Variants in RAPGEF4 observed in about 807,000 individuals in gnomAD.
RAPGEF4 encodes RAP guanine-nucleotide-exchange factor (GEF) 4.
RAPGEF4 carries 66 observed loss-of-function variants against 147.9 expected under a neutral mutation model. The observed-to-expected ratio is 0.45, with a 90% CI of 0.37 to 0.55. RAPGEF4 has a LOEUF of 0.55. RAPGEF4 is among the 20% of genes least tolerant of loss of function. The pLI is 0.00. For missense variants in RAPGEF4, 1,071 were observed against 1,257.3 expected, an observed-to-expected ratio of 0.85 and a Z score of 2.24; for synonymous variants, 419 against 442.7, an observed-to-expected ratio of 0.95 and a Z score of 0.67.
At chr2:172,841,951 G>T (rs1002281389) in intron 4 of RAPGEF4, among the ~76,000 whole-genome samples, 2 of 152,054 alleles carry the variant, frequency 1.3e-5, no homozygotes, top group Non-Finnish European at 2.9e-5. Context: ...TATTTTTATT[G>T]TCCCTCATTC....
intron 4 of RAPGEF4, among the ~76,000 whole-genome samples, chr2:172,819,014 A>G (rs1046275188): frequency 6.6e-6 from 1 of 152,222 alleles, no homozygotes; most frequent in African/African-American, 2.4e-5. Context: ...CATTTCCTCA[A>G]TAGTCTCTAT....
intron 6 of RAPGEF4, among the ~76,000 whole-genome samples, chr2:172,929,671 C>T (rs997067325): frequency 3.3e-5 from 5 of 152,178 alleles, no homozygotes; most frequent in African/African-American, 1.2e-4. Context: ...TGAAAATCTT[C>T]AATTTAATGA....
chr2:173,001,575 G>T (rs1453983837), intron 17 of RAPGEF4, among the ~76,000 whole-genome samples: 1 of 152,096 alleles, frequency 6.6e-6, no homozygotes, highest in African/African-American at 2.4e-5. Flanking sequence ...TTTCCTCCTT[G>T]TTACCTGTAT....
intron 4 of RAPGEF4, among the ~76,000 whole-genome samples, chr2:172,879,265 T>G (rs150528176): frequency 1.2e-3 from 180 of 152,298 alleles, no homozygotes; most frequent in African/African-American, 3.7e-3. Context: ...GTTATGGAAA[T>G]ATCTCCAAGA....
At chr2:172,778,997 C>T (rs1311005566) in intron 1 of RAPGEF4, among the ~76,000 whole-genome samples, 1 of 152,032 alleles carries the variant, frequency 6.6e-6, no homozygotes, top group African/African-American at 2.4e-5. Context: ...ATTTTCTTAA[C>T]AAAAAAGTAA....
intron 4 of RAPGEF4, among the ~76,000 whole-genome samples, chr2:172,868,631 C>CT (rs1354440221): frequency 3.9e-5 from 6 of 152,172 alleles, no homozygotes; most frequent in Non-Finnish European, 7.3e-5. Context: ...CTGTCTGAAC[C>CT]TGACAGTACT....
chr2:172,926,334 A>T (rs559242898), intron 6 of RAPGEF4, among the ~76,000 whole-genome samples: 45 of 152,238 alleles, frequency 3.0e-4, no homozygotes, highest in Admixed American at 5.2e-4. Context: ...CCCTGTCTTT[A>T]ATTTTTGGCT....
intron 5 of RAPGEF4, among the ~76,000 whole-genome samples, chr2:172,921,258 A>G (rs994726161): frequency 2.0e-5 from 3 of 151,940 alleles, no homozygotes; most frequent in Non-Finnish European, 2.9e-5. Context: ...CACCATGCCC[A>G]GCTAGTTTTT....
intron 1 of RAPGEF4, among the ~76,000 whole-genome samples, chr2:172,782,127 T>C (rs916435541): frequency 6.6e-6 from 1 of 152,208 alleles, no homozygotes; most frequent in African/African-American, 2.4e-5. Context: ...GGATAAGATA[T>C]ACAAATAACT....
chr2:172,760,878 A>T (rs1476826950), intron 1 of RAPGEF4, among the ~76,000 whole-genome samples: 1 of 152,302 alleles, frequency 6.6e-6, no homozygotes, highest in East Asian at 1.9e-4. Flanking sequence ...TCTAACATTC[A>T]TTATCTTTGG....
intron 5 of RAPGEF4, 125 bp downstream of exon 5, chr2:172,917,999 C>T (rs779425074): frequency 2.9e-5 from 24 of 827,964 alleles, no homozygotes; most frequent in Non-Finnish European, 4.9e-5. Flanking sequence ...TGTGGATAAA[C>T]AAACCTGCCA....
At chr2:172,755,183 T>C (rs1695656351) in intron 1 of RAPGEF4, among the ~76,000 whole-genome samples, 2 of 152,160 alleles carry the variant, frequency 1.3e-5, no homozygotes, top group South Asian at 4.1e-4. Flanking sequence ...TGATGAGAAG[T>C]TGAGGTTCAT....
At chr2:172,895,205 T>C (rs1559103988) in intron 4 of RAPGEF4, among the ~76,000 whole-genome samples, 1 of 152,224 alleles carries the variant, frequency 6.6e-6, no homozygotes, top group Non-Finnish European at 1.5e-5. Context: ...TTAGTACTTA[T>C]CCTTGATTCC....
In RAPGEF4 at chr2:173,018,662, T is replaced by A; in HGVS notation, c.2015T>A (p.Phe672Tyr). Residue 672 changes from phenylalanine to tyrosine, a missense_variant, in exon 22 of 31, where the codon TTT (phenylalanine) becomes TAT (tyrosine). By Grantham distance (22) the Phe-to-Tyr change is conservative. Coordinates refer to ENST00000397081, the MANE Select transcript of RAPGEF4 (RefSeq NM_007023.4). The part of the protein sequence containing the change: ...QPIRGSDEVL[F>Y]KVYCMDHTYT... The stretch of plus-strand genomic sequence containing the variant: ...TGTTACTGCCTTTGGATAGTTCTGT[T>A]TAAGGTCTATTGCATGGACCACACC... 2.5e-6 allele frequency: 4 copies of A among 1,613,710 alleles called. No individual in the cohort carries two copies. The highest frequency in any genetic ancestry group is 3.4e-6 in the Non-Finnish European group (4 of 1,179,870).
chr2:172,826,595 G>A (rs1357297648), intron 4 of RAPGEF4, among the ~76,000 whole-genome samples: 1 of 152,186 alleles, frequency 6.6e-6, no homozygotes, highest in African/African-American at 2.4e-5. Flanking sequence ...ATCAGATATT[G>A]TATTTAGTAG....
At chr2:173,005,518 G>GTTTTTT (rs1694352537) in intron 17 of RAPGEF4, among the ~76,000 whole-genome samples, 1 of 80,414 alleles carries the variant, frequency 1.2e-5, no homozygotes, top group African/African-American at 4.8e-5. Context: ...TTGTTGTTTT[G>GTTTTTT]TGTTTTTTTT....
In RAPGEF4 at chr2:173,020,732, T is replaced by C. The variant is rs751902269; in HGVS notation, c.2253+17T>C. 1.3e-6 allele frequency: 2 copies of C among 1,597,290 alleles called. No homozygotes were observed. The highest frequency in any genetic ancestry group is 2.2e-5 in the East Asian group (1 of 44,712). The stretch of plus-strand genomic sequence containing the variant: ...GATTCACTGGTAGGTGTGGATGGCC[T>C]GCTCAGAGCAGCATTGCAATCAGAA... On this transcript the variant is annotated intron_variant, in intron 23 of 30. Transcript: ENST00000397081.
intron 4 of RAPGEF4, among the ~76,000 whole-genome samples, chr2:172,901,774 C>T (rs1654287356): frequency 6.6e-6 from 1 of 152,184 alleles, no homozygotes; most frequent in Non-Finnish European, 1.5e-5. Flanking sequence ...AACAACTATT[C>T]CCTGAGAGCT....
intron 4 of RAPGEF4, among the ~76,000 whole-genome samples, chr2:172,880,982 A>G (rs1696553655): frequency 6.6e-6 from 1 of 152,204 alleles, no homozygotes; most frequent in Admixed American, 6.5e-5. Context: ...TATTTAACCA[A>G]CTTTGTGTAT....
Sources: allele counts gnomAD v4.1 joint callset (sites outside exome capture counted in the v4.1 genomes callset), GRCh38; gene constraint gnomAD v4.1.1; transcripts MANE v1.5; gene names NCBI Gene and HGNC (gene_info 2026-07-23, HGNC 2026-07-21).